ANKS1A: variants seen among roughly 807,000 people sequenced by gnomAD.
The protein encoded by ANKS1A is ankyrin repeat and SAM domain-containing protein 1A.
In ANKS1A, 55 loss-of-function variants were observed where a neutral mutation model predicts 120.3. The observed-to-expected ratio is 0.46, with a 90% CI of 0.37 to 0.57. ANKS1A has a LOEUF of 0.57. Ranked by LOEUF, ANKS1A falls within the 20% of genes least tolerant of loss-of-function variation. The probability of loss-of-function intolerance (pLI) is 0.00; values close to 1 mark genes in which losing one functional copy is unlikely to be tolerated. For synonymous variants in ANKS1A, 590 were observed against 604.7 expected (o/e 0.98, Z 0.36); for missense variants, 1,123 against 1,480.3 (o/e 0.76, Z 3.96).
Position 35,084,302 on chromosome 6 carries a change from G to C in ANKS1A, c.3132+44G>C, listed in dbSNP as rs747875332. The C allele has an allele frequency of 1.2e-6, 2 of 1,605,960 alleles. No individual in the cohort carries two copies. Among genetic ancestry groups the C allele is most frequent in the African/African-American group, 2.7e-5 (2 of 74,836 alleles). On this transcript the variant is annotated intron_variant, in intron 21 of 23. Coordinates refer to ENST00000360359, the MANE Select transcript of ANKS1A (RefSeq NM_015245.3). The surrounding 1 kb of genome is among the most constrained non-coding windows in gnomAD (Gnocchi z 4.8). ...CCGGGTGGGGCAGGCTTGGGTTGCA[G>C]CCCTGAGGCGTCCAGCCCCATTGCA... is the stretch of plus-strand genomic sequence containing the variant.
intron 11 of ANKS1A, among the ~76,000 whole-genome samples, chr6:35,049,221 A>C (rs1174326017): frequency 6.6e-6 from 1 of 152,052 alleles, no homozygotes; most frequent in African/African-American, 2.4e-5. Flanking sequence ...AGGGAAAGGG[A>C]GTTAGAGAAT....
intron 1 of ANKS1A, among the ~76,000 whole-genome samples, chr6:34,899,931 T>C (rs984701286): frequency 2.0e-4 from 31 of 152,254 alleles, no homozygotes; most frequent in Admixed American, 6.5e-5. Context: ...ACTGTAGTAT[T>C]TGAAGTCAGT....
At chr6:35,030,504 C>T (rs1774855776) in intron 11 of ANKS1A, among the ~76,000 whole-genome samples, 2 of 152,200 alleles carry the variant, frequency 1.3e-5, no homozygotes, top group African/African-American at 4.8e-5. Context: ...AAAGTCACTT[C>T]TGTGTTGTCT....
At chr6:35,070,795 A>G in intron 13 of ANKS1A, 1 of 450,608 alleles carries the variant, frequency 2.2e-6, no homozygotes, top group Admixed American at 2.9e-5. Flanking sequence ...ACAAGCCTTT[A>G]TCTTAACCCA....
At chr6:34,929,593 G>A (rs1406660922) in intron 1 of ANKS1A, among the ~76,000 whole-genome samples, 1 of 152,008 alleles carries the variant, frequency 6.6e-6, no homozygotes, top group Non-Finnish European at 1.5e-5. Flanking sequence ...AGATTTTTTG[G>A]TTCTTATTTC....
intron 1 of ANKS1A, among the ~76,000 whole-genome samples, chr6:34,964,180 TG>T (rs1310046319): frequency 6.6e-6 from 1 of 152,228 alleles, no homozygotes; most frequent in Non-Finnish European, 1.5e-5. Context: ...TAAAGTGGCT[TG>T]TCACCCATAT....
rs576645315 is a variant in ANKS1A at position 35,028,555 on chromosome 6, G to GA, written c.2010+10501dup. ...TTAAAGGTACCAAAGACTATATAGT[G>GA]AAAAATAAGTCTTCCAGATTTTCAG... On this transcript the variant is annotated intron_variant, in intron 11 of 23. Transcript: ENST00000360359. Among the ~76,000 whole-genome samples the GA allele has an allele frequency of 2.6e-5, 4 of 152,270 alleles. No homozygotes were observed. The South Asian group carries it at 8.3e-4, about 32-fold the overall frequency.
In ANKS1A at chr6:35,085,918, C is replaced by T. The variant is rs140181302; in HGVS notation, c.3285C>T (p.Val1095=). The stretch of plus-strand genomic sequence containing the variant: ...CCAAACCGGTGCCTAAGCCTCGGGT[C>T]GGCGTGAGGAAATCCGCAGTACGTG... ...KSSKPVPKPR[V]GVRKSALEPP... The change falls in exon 22 of 24, where the codon GTC becomes GTT. Residue 1095 remains valine, a synonymous_variant. Transcript: ENST00000360359. This position sits in a 1 kb window ranked among gnomAD's most constrained non-coding sequence, Gnocchi z 4.7. 9,074 of 1,608,952 alleles carry T rather than the reference C, an allele frequency of 5.6e-3. 58 individuals are homozygous for T. Among genetic ancestry groups the T allele is most frequent in the South Asian group, 0.018 (1,668 of 90,506 alleles).
chr6:35,045,548 A>G (rs1328780406), intron 11 of ANKS1A, among the ~76,000 whole-genome samples: 1 of 152,140 alleles, frequency 6.6e-6, no homozygotes, highest in African/African-American at 2.4e-5. Context: ...TGCCTTTCCA[A>G]TGTTCTCGAT....
Position 35,082,688 on chromosome 6 carries a change from C to A in ANKS1A, c.2710-3C>A. 6.2e-7 allele frequency: 1 copy of A among 1,606,318 alleles called. No individual in the cohort carries two copies. Among genetic ancestry groups the A allele is most frequent in the Non-Finnish European group, 8.5e-7 (1 of 1,176,200 alleles). The stretch of plus-strand genomic sequence containing the variant: ...CAGGTGTCCAATTGCGTGTGTTTCG[C>A]AGGAGGAGCACCGTGAGGCCAAGCT... On this transcript the variant is annotated splice_polypyrimidine_tract_variant and splice_region_variant and intron_variant, in intron 17 of 23. Transcript: ENST00000360359. This position sits in a 1 kb window ranked among gnomAD's most constrained non-coding sequence, Gnocchi z 4.1.
Position 34,982,876 on chromosome 6 carries a change from T to G in ANKS1A, c.808+49T>G. The G allele has an allele frequency of 3.1e-6, 5 of 1,611,960 alleles. No individual in the cohort carries two copies. The highest frequency in any genetic ancestry group is 3.4e-6 in the Non-Finnish European group (4 of 1,178,166). ...TCTACACAGCGTGCCAGGGTTGGGATTGTTTCTCCCTAGTCCCCTAGGGGG... is the reference window on the plus strand; with the variant it reads ...TCTACACAGCGTGCCAGGGTTGGGAGTGTTTCTCCCTAGTCCCCTAGGGGG... On this transcript the variant is annotated intron_variant, in intron 5 of 23. Transcript: ENST00000360359. The surrounding 1 kb of genome is among the most constrained non-coding windows in gnomAD (Gnocchi z 4.9).
chr6:35,096,295 C>T (rs146057261), downstream of ANKS1A, among the ~76,000 whole-genome samples: 148 of 152,306 alleles, frequency 9.7e-4, no homozygotes, highest in African/African-American at 3.4e-3. Context: ...TCCCTCCCTC[C>T]TGGGATGATA....
At chr6:34,897,703 C>A (rs1211036796) in intron 1 of ANKS1A, among the ~76,000 whole-genome samples, 2 of 152,170 alleles carry the variant, frequency 1.3e-5, no homozygotes, top group East Asian at 3.8e-4. Flanking sequence ...GGTAGTAATA[C>A]TGGAAATTAT....
In ANKS1A at chr6:35,031,890, A is replaced by C. The variant is rs184937338; in HGVS notation, c.2010+13831A>C. Among the ~76,000 whole-genome samples the C allele has an allele frequency of 5.1e-4, 77 of 152,002 alleles. 1 individual carries two copies. Among genetic ancestry groups the C allele is most frequent in the Admixed American group, 3.9e-3 (59 of 15,266 alleles). On this transcript the variant is annotated intron_variant, in intron 11 of 23. Coordinates refer to ENST00000360359, the MANE Select transcript of ANKS1A (RefSeq NM_015245.3). ...TCCAGCTCAGTTAATTCCTATACTCACTGTTTTCCCCTACACGTTGGTTTA... is the reference window on the plus strand; with the variant it reads ...TCCAGCTCAGTTAATTCCTATACTCCCTGTTTTCCCCTACACGTTGGTTTA...
At chr6:34,906,324 G>A (rs1179657271) in intron 1 of ANKS1A, among the ~76,000 whole-genome samples, 1 of 152,210 alleles carries the variant, frequency 6.6e-6, no homozygotes, top group African/African-American at 2.4e-5. Flanking sequence ...GGTGCGAAAG[G>A]TCAAGAAGAG....
rs753228861 is a variant in ANKS1A at position 35,086,956 on chromosome 6, A to C, written c.3308A>C (p.Glu1103Ala). The change falls in exon 23 of 24, where the codon GAA becomes GCA. Residue 1103 changes from glutamate (E) to alanine (A), a missense_variant. By Grantham distance (107) the Glu-to-Ala change is moderately radical (BLOSUM62 -1). Coordinates refer to ENST00000360359, the MANE Select transcript of ANKS1A (RefSeq NM_015245.3). The surrounding 1 kb of genome is among the most constrained non-coding windows in gnomAD (Gnocchi z 5.1). ...GACTGCTTCCTTGTTTGGCAGCTGG[A>C]ACCACCTGATATGGACCAAGATGCC... Reference protein sequence around the residue: ...PRVGVRKSALEPPDMDQDAQS... With the variant: ...PRVGVRKSALAPPDMDQDAQS... 7 of 1,614,132 alleles carry C rather than the reference A, an allele frequency of 4.3e-6. No individual in the cohort carries two copies. Among genetic ancestry groups the C allele is most frequent in the Non-Finnish European group, 5.9e-6 (7 of 1,179,988 alleles).
intron 10 of ANKS1A, among the ~76,000 whole-genome samples, chr6:35,000,842 T>C (rs1773130267): frequency 6.6e-6 from 1 of 152,140 alleles, no homozygotes; most frequent in African/African-American, 2.4e-5. Flanking sequence ...AAAAAAATTA[T>C]TGCTTTGAAA....
At chr6:35,000,694 TAAA>T (rs1773121183) in intron 10 of ANKS1A, among the ~76,000 whole-genome samples, 1 of 152,132 alleles carries the variant, frequency 6.6e-6, no homozygotes. Flanking sequence ...TTGTATAATT[TAAA>T]AGTAATAAAG....
intron 1 of ANKS1A, among the ~76,000 whole-genome samples, chr6:34,964,269 ATAT>A (rs1480605460): frequency 1.3e-5 from 2 of 152,062 alleles, no homozygotes; most frequent in East Asian, 1.9e-4. Context: ...TTCTTTTACA[ATAT>A]TATTATTATA....
Sources: allele counts gnomAD v4.1 joint callset (sites outside exome capture counted in the v4.1 genomes callset), GRCh38; gene constraint gnomAD v4.1.1; non-coding constraint Gnocchi (gnomAD v3.1); transcripts MANE v1.5; gene names NCBI Gene and HGNC (gene_info 2026-07-23, HGNC 2026-07-21).